EPHA6: variants seen among roughly 807,000 people sequenced by gnomAD.
EPHA6 encodes the protein EPH receptor A6.
In EPHA6, 50 loss-of-function variants were observed where a neutral mutation model predicts 112.0. The observed-to-expected ratio is 0.45, with a 90% CI of 0.36 to 0.56. The LOEUF is 0.56. EPHA6 is among the 20% of genes least tolerant of loss of function. EPHA6 has a pLI of 0.00. For missense variants in EPHA6, 1,280 were observed against 1,417.4 expected (o/e 0.90, Z 1.56); for synonymous variants, 529 against 490.7 (o/e 1.08, Z -1.03).
At chr3:97,080,346 GT>G (rs140264333) in intron 3 of EPHA6, among the ~76,000 whole-genome samples, 1 of 151,856 alleles carries the variant, frequency 6.6e-6, no homozygotes, top group Non-Finnish European at 1.5e-5. Flanking sequence ...TTCATATACT[GT>G]TTTTTTCTTT....
At chr3:97,241,946 A>G (rs2078862139) in intron 4 of EPHA6, among the ~76,000 whole-genome samples, 2 of 151,714 alleles carry the variant, frequency 1.3e-5, no homozygotes, top group South Asian at 4.1e-4. Flanking sequence ...AAACATTATT[A>G]TGATAATGAC....
intron 11 of EPHA6, among the ~76,000 whole-genome samples, chr3:97,571,931 GC>G (rs1360063165): frequency 6.6e-6 from 1 of 152,144 alleles, no homozygotes; most frequent in Admixed American, 6.5e-5. Flanking sequence ...CACACCATCA[GC>G]TTTTCCATAT....
intron 14 of EPHA6, among the ~76,000 whole-genome samples, chr3:97,650,125 C>A (rs185675244): frequency 5.9e-5 from 9 of 152,220 alleles, no homozygotes; most frequent in Admixed American, 2.6e-4. Flanking sequence ...GATGGAGGAG[C>A]AACACACATA....
At chr3:97,317,166 G>T (rs918643199) in intron 5 of EPHA6, among the ~76,000 whole-genome samples, 1 of 151,722 alleles carries the variant, frequency 6.6e-6, no homozygotes, top group African/African-American at 2.4e-5. Context: ...TGATGGAAAG[G>T]CCAACTGTGT....
chr3:97,618,746 G>C (rs2093787429), intron 13 of EPHA6, among the ~76,000 whole-genome samples: 1 of 151,928 alleles, frequency 6.6e-6, no homozygotes, highest in Non-Finnish European at 1.5e-5. Flanking sequence ...TCAATAACAG[G>C]TTCTGAAATT....
rs760876919 is a variant in EPHA6 at position 97,096,230 on chromosome 3, A to AAT, written c.1114+108251_1114+108252dup. ...GTATGTGTGTGTTTTAACCTAAGGA[A>AAT]ATATATATATATATACACACACACA... On this transcript the variant is annotated intron_variant, in intron 3 of 17. Coordinates refer to ENST00000389672, the MANE Select transcript of EPHA6 (RefSeq NM_001080448.3). Among the ~76,000 whole-genome samples, 543 of 146,006 alleles carry AAT rather than the reference A, an allele frequency of 3.7e-3. 2 individuals are homozygous for AAT. The highest frequency in any genetic ancestry group is 0.011 in the African/African-American group (429 of 39,834).
intron 3 of EPHA6, among the ~76,000 whole-genome samples, chr3:97,113,374 T>C (rs1039495480): frequency 1.3e-5 from 2 of 152,066 alleles, no homozygotes; most frequent in African/African-American, 4.8e-5. Flanking sequence ...AAAAAGACTT[T>C]ACCCATCCTC....
chr3:96,880,545 A>G (rs1303813335), intron 2 of EPHA6, among the ~76,000 whole-genome samples: 2 of 152,154 alleles, frequency 1.3e-5, no homozygotes, highest in Non-Finnish European at 2.9e-5. Context: ...TTGAGTTGAA[A>G]TGAACATATC....
intron 3 of EPHA6, chr3:96,994,210 C>A: frequency 2.5e-6 from 1 of 406,848 alleles, no homozygotes; most frequent in Non-Finnish European, 5.1e-6. Context: ...AAAGCAAACA[C>A]GAATAATTTG....
chr3:96,936,707 C>A (rs2040604517), intron 2 of EPHA6, among the ~76,000 whole-genome samples: 1 of 151,984 alleles, frequency 6.6e-6, no homozygotes, highest in Non-Finnish European at 1.5e-5. Context: ...GTGCTGCACC[C>A]ATTAACTTGT....
Position 97,504,323 on chromosome 3 carries a change from C to T in EPHA6, c.2200+20264C>T, listed in dbSNP as rs149246838. Among the ~76,000 whole-genome samples, 992 of 152,194 alleles carry T rather than the reference C, an allele frequency of 6.5e-3. 11 individuals are homozygous for T. Among genetic ancestry groups the T allele is most frequent in the African/African-American group, 0.022 (912 of 41,518 alleles). ...TTTTAATAAGTGAGAGAAGAAAGAGCTCTGCAGTGGGTAGGGGGCCCGGAA... is the reference window on the plus strand; with the variant it reads ...TTTTAATAAGTGAGAGAAGAAAGAGTTCTGCAGTGGGTAGGGGGCCCGGAA... On this transcript the variant is annotated intron_variant, in intron 10 of 17. Coordinates refer to ENST00000389672, the MANE Select transcript of EPHA6 (RefSeq NM_001080448.3).
chr3:97,458,963 T>C (rs547204447), intron 7 of EPHA6, among the ~76,000 whole-genome samples: 1 of 152,240 alleles, frequency 6.6e-6, no homozygotes, highest in East Asian at 1.9e-4. Context: ...AAGATTCCAG[T>C]AGAAGGCAAT....
rs149771392 is a variant in EPHA6 at position 97,359,632 on chromosome 3, T to C, written c.1607-45518T>C. Among the ~76,000 whole-genome samples, 780 of 152,238 alleles carry C rather than the reference T, an allele frequency of 5.1e-3. 10 individuals are homozygous for C. The highest frequency in any genetic ancestry group is 0.017 in the African/African-American group (714 of 41,562). On this transcript the variant is annotated intron_variant, in intron 5 of 17. Transcript: ENST00000389672. ...TTTCCTTGCTCCTTTGTGTGGGTCA[T>C]ATTTTCTTGCTTCTTTGTATATCTT... is the stretch of plus-strand genomic sequence containing the variant.
At chr3:97,071,567 T>C (rs769998287) in intron 3 of EPHA6, among the ~76,000 whole-genome samples, 77 of 151,928 alleles carry the variant, frequency 5.1e-4, no homozygotes, top group Non-Finnish European at 9.1e-4. Context: ...ACCCAGCAGA[T>C]CTTATGAGAC....
intron 3 of EPHA6, among the ~76,000 whole-genome samples, chr3:97,051,158 G>A (rs2045673665): frequency 6.6e-6 from 1 of 152,112 alleles, no homozygotes; most frequent in Non-Finnish European, 1.5e-5. Flanking sequence ...CAATTAATAA[G>A]CTATCCATCA....
intron 5 of EPHA6, among the ~76,000 whole-genome samples, chr3:97,346,444 A>T (rs1269498310): frequency 6.6e-6 from 1 of 152,184 alleles, no homozygotes; most frequent in Non-Finnish European, 1.5e-5. Context: ...GTAGACGTTT[A>T]TCCTTCTCAG....
At chr3:97,374,419 A>G (rs2085231382) in intron 5 of EPHA6, among the ~76,000 whole-genome samples, 1 of 152,052 alleles carries the variant, frequency 6.6e-6, no homozygotes, top group Non-Finnish European at 1.5e-5. Flanking sequence ...TTACTGCACT[A>G]ATCTTAATAT....
intron 15 of EPHA6, 65 bp from the exon 16 acceptor site, chr3:97,735,860 A>G: frequency 7.9e-7 from 1 of 1,268,216 alleles, no homozygotes; most frequent in Non-Finnish European, 1.1e-6. Flanking sequence ...TTGTAAAAAA[A>G]GAAATTATAG....
At chr3:97,009,144 G>A (rs1388604693) in intron 3 of EPHA6, among the ~76,000 whole-genome samples, 1 of 152,088 alleles carries the variant, frequency 6.6e-6, no homozygotes, top group Non-Finnish European at 1.5e-5. Flanking sequence ...TGGTGGAGAA[G>A]GTGTGTTTTG....
Sources: allele counts gnomAD v4.1 joint callset (sites outside exome capture counted in the v4.1 genomes callset), GRCh38; gene constraint gnomAD v4.1.1; transcripts MANE v1.5; gene names NCBI Gene and HGNC (gene_info 2026-07-23, HGNC 2026-07-21).